WDR37: variants seen among roughly 807,000 people sequenced by gnomAD.
The protein encoded by WDR37 is WD repeat domain 37, also known as WD repeat-containing protein 37.
Under a neutral mutation model 62.9 loss-of-function variants are expected in WDR37, and 19 were observed. The observed-to-expected ratio is 0.30, with a 90% CI of 0.21 to 0.44. The LOEUF is 0.44. Among genes scored for constraint, WDR37 ranks in the 20% least tolerant of loss-of-function variants. The pLI, the probability that WDR37 is intolerant of heterozygous loss-of-function variation, is 1.00. For synonymous variants in WDR37, 250 were observed against 260.9 expected (o/e 0.96, Z 0.40); for missense variants, 474 against 657.6 (o/e 0.72, Z 3.05).
At chr10:1,074,212 G>T (rs988921329) in intron 2 of WDR37, among the ~76,000 whole-genome samples, 3 of 152,174 alleles carry the variant, frequency 2.0e-5, no homozygotes, top group African/African-American at 7.2e-5. Flanking sequence ...GTAGGTTCAC[G>T]TACATTTCTA....
chr10:1,072,087 G>T, intron 1 of WDR37, 29 bp from the exon 2 acceptor site: 1 of 1,570,372 alleles, frequency 6.4e-7, no homozygotes, highest in Non-Finnish European at 8.6e-7. Flanking sequence ...CGCTGTATCA[G>T]AAACACTGTT....
intron 7 of WDR37, among the ~76,000 whole-genome samples, chr10:1,089,108 T>C (rs1025407824): frequency 2.0e-5 from 3 of 152,076 alleles, no homozygotes; most frequent in African/African-American, 4.8e-5. Context: ...TCACAGGCCC[T>C]GAGCTTTAGT....
At chr10:1,071,505 A>G (rs1833725936) in intron 1 of WDR37, among the ~76,000 whole-genome samples, 1 of 152,236 alleles carries the variant, frequency 6.6e-6, no homozygotes, top group Admixed American at 6.5e-5. Flanking sequence ...GTAAATCATA[A>G]TATTTAAATT....
At chr10:1,071,611 C>A (rs1669149320) in intron 1 of WDR37, among the ~76,000 whole-genome samples, 2 of 151,938 alleles carry the variant, frequency 1.3e-5, no homozygotes, top group African/African-American at 4.8e-5. Flanking sequence ...ATAAAATATC[C>A]CATTGTTTTT....
intron 9 of WDR37, among the ~76,000 whole-genome samples, chr10:1,098,282 C>A (rs1408203467): frequency 1.3e-5 from 2 of 151,350 alleles, no homozygotes; most frequent in Non-Finnish European, 2.9e-5. Flanking sequence ...TTATGGCTGC[C>A]CTTGTGTGTG....
At chr10:1,128,817 A>G (rs1170907159) in intron 13 of WDR37, among the ~76,000 whole-genome samples, 3 of 147,978 alleles carry the variant, frequency 2.0e-5, no homozygotes, top group East Asian at 4.0e-4. Context: ...TCGGCGGTCC[A>G]TGCTCGGCGG....
chr10:1,072,002 A>G (rs1193596343), intron 1 of WDR37, 114 bp from the exon 2 acceptor site: 1 of 738,394 alleles, frequency 1.4e-6, no homozygotes, highest in East Asian at 3.0e-5. Flanking sequence ...TATATAGTTA[A>G]TGTTAACTAT....
chr10:1,069,389 A>ATATATATATTTTTTTTTTTT, intron 1 of WDR37, among the ~76,000 whole-genome samples: 2 of 95,806 alleles, frequency 2.1e-5, no homozygotes, highest in Admixed American at 2.4e-4. Context: ...ATATATATAT[A>ATATATATATTTTTTTTTTTT]TTTTTTTTTT....
rs528492105 is a variant in WDR37, at chr10:1,121,080, C to T, written c.1104-3138C>T. Reference sequence around the variant, plus strand: ...GTCGGAACCATTTCCAGTGCACGGCCGTGCGCGCCAGCCTCCCCATGGGAC... The same window carrying T: ...GTCGGAACCATTTCCAGTGCACGGCTGTGCGCGCCAGCCTCCCCATGGGAC... On this transcript the variant is annotated intron_variant, in intron 11 of 13. Coordinates refer to ENST00000263150, the MANE Select transcript of WDR37 (RefSeq NM_014023.4). The surrounding 1 kb of genome is among the most constrained non-coding windows in gnomAD (Gnocchi z 4.5). 3.1e-3 allele frequency among the ~76,000 whole-genome samples: 472 copies of T among 152,324 alleles called. No homozygotes were observed. Among genetic ancestry groups the T allele is most frequent in the Non-Finnish European group, 4.7e-3 (322 of 68,030 alleles).
rs1835925756 is a variant in WDR37 at position 1,130,409 on chromosome 10, A to G, written c.*1065A>G. The G allele has an allele frequency of 1.3e-5, 2 of 152,682 alleles. No homozygotes were observed. Among genetic ancestry groups the G allele is most frequent in the African/African-American group, 2.4e-5 (1 of 41,450 alleles). The allele number at this position is 152,682 out of a possible 1,614,324, so 9.5% of individuals were successfully genotyped here. A position where few individuals can be genotyped will look rare whatever the true frequency, so the allele number is the denominator to read the frequency against. ...TGTAGGCTCTCCACTTAGGCGCACA[A>G]GCTGACGGCTGCAGCCAGCAGGCCC... On this transcript the variant is annotated 3_prime_UTR_variant, in exon 14 of 14. Coordinates refer to ENST00000263150, the MANE Select transcript of WDR37 (RefSeq NM_014023.4).
At chr10:1,085,677 T>C (rs1471118396) in intron 6 of WDR37, among the ~76,000 whole-genome samples, 1 of 152,212 alleles carries the variant, frequency 6.6e-6, no homozygotes, top group Admixed American at 6.5e-5. Flanking sequence ...GCGAAGAAAG[T>C]TCTTGCTTCT....
chr10:1,088,806 G>A (rs952565000), intron 7 of WDR37, among the ~76,000 whole-genome samples: 4 of 152,036 alleles, frequency 2.6e-5, no homozygotes, highest in Non-Finnish European at 5.9e-5. Context: ...GGTGTTCAAC[G>A]CAGGGTTGCC....
Position 1,129,479 on chromosome 10 carries a change from T to A in WDR37, c.*135T>A. 7.7e-7 allele frequency: 1 copy of A among 1,290,668 alleles called. No individual in the cohort carries two copies. Among genetic ancestry groups the A allele is most frequent in the South Asian group, 1.5e-5 (1 of 66,738 alleles). The allele number at this position is 1,290,668 out of a possible 1,614,324, so 80.0% of individuals were successfully genotyped here. ...GTGCTTTGTATATGTTCTTTTCACA[T>A]AGTGCCCAGCTTGCATGAAATGTAC... On this transcript the variant is annotated 3_prime_UTR_variant, in exon 14 of 14. Coordinates refer to ENST00000263150, the MANE Select transcript of WDR37 (RefSeq NM_014023.4).
rs967700888 is a variant in WDR37, at chr10:1,103,487, A to G, written c.727-115A>G. On this transcript the variant is annotated intron_variant, in intron 9 of 13. Coordinates refer to ENST00000263150, the MANE Select transcript of WDR37 (RefSeq NM_014023.4). This position sits in a 1 kb window ranked among gnomAD's most constrained non-coding sequence, Gnocchi z 6.3. ...CACCAGGCTCCTAGTGGTGACCATCATGATGGATATGTCCTCAAGAGATTA... is the reference window on the plus strand; with the variant it reads ...CACCAGGCTCCTAGTGGTGACCATCGTGATGGATATGTCCTCAAGAGATTA... 2 of 1,129,106 alleles carry G rather than the reference A, an allele frequency of 1.8e-6. No homozygotes were observed. Among genetic ancestry groups the G allele is most frequent in the African/African-American group, 3.1e-5 (2 of 65,326 alleles). The allele number at this position is 1,129,106 out of a possible 1,614,324, so 69.9% of individuals were successfully genotyped here.
At chr10:1,128,822 C>T (rs1346871439) in intron 13 of WDR37, among the ~76,000 whole-genome samples, 3 of 151,324 alleles carry the variant, frequency 2.0e-5, no homozygotes, top group South Asian at 2.1e-4. Flanking sequence ...GGTCCATGCT[C>T]GGCGGTCCAT....
At chr10:1,061,500 G>A (rs887570527) in intron 1 of WDR37, among the ~76,000 whole-genome samples, 10 of 152,064 alleles carry the variant, frequency 6.6e-5, no homozygotes, top group African/African-American at 2.4e-4. Context: ...GTCAAAATGT[G>A]GGTGCGCAAC....
chr10:1,073,362 T>C (rs1348979493), intron 2 of WDR37, among the ~76,000 whole-genome samples: 1 of 152,224 alleles, frequency 6.6e-6, no homozygotes, highest in Non-Finnish European at 1.5e-5. Flanking sequence ...GGTAACTTTA[T>C]GCCAGGACTT....
chr10:1,102,169 C>T (rs1487250691), intron 9 of WDR37, among the ~76,000 whole-genome samples: 1 of 137,612 alleles, frequency 7.3e-6, no homozygotes, highest in Non-Finnish European at 1.5e-5. Flanking sequence ...GTCCCTGTGA[C>T]GTGTTCTCGT....
Position 1,086,277 on chromosome 10 carries a change from A to G in WDR37, c.533-9A>G, listed in dbSNP as rs1834198688. On this transcript the variant is annotated splice_polypyrimidine_tract_variant and intron_variant, in intron 6 of 13. Transcript: ENST00000263150. ...GCTAAGTTCCGACTTCTTCATTTCC[A>G]TCTTGCAGATCACACGGCTTTGCTG... The G allele has an allele frequency of 6.2e-6, 10 of 1,613,642 alleles. No homozygotes were observed. The East Asian group carries it at 2.2e-4, about 36-fold the overall frequency.
Sources: allele counts gnomAD v4.1 joint callset (sites outside exome capture counted in the v4.1 genomes callset), GRCh38; gene constraint gnomAD v4.1.1; non-coding constraint Gnocchi (gnomAD v3.1); transcripts MANE v1.5; gene names NCBI Gene and HGNC (gene_info 2026-07-23, HGNC 2026-07-21).